KIAA0232: variants seen among roughly 807,000 people sequenced by gnomAD.
KIAA0232 encodes the protein uncharacterized protein KIAA0232.
A neutral mutation model predicts 122.0 loss-of-function variants in KIAA0232; 27 were observed. That is an observed-to-expected ratio of 0.22 (90% CI 0.16 to 0.31). KIAA0232 has a LOEUF of 0.31. Ranked by LOEUF, KIAA0232 falls within the 10% of genes least tolerant of loss-of-function variation. The pLI is 1.00. For synonymous variants in KIAA0232, 613 were observed against 587.6 expected (o/e 1.04, Z -0.63); for missense variants, 1,551 against 1,634.2 (o/e 0.95, Z 0.88).
intron 4 of KIAA0232, among the ~76,000 whole-genome samples, chr4:6,848,749 A>G (rs568661831): frequency 1.0e-3 from 152 of 152,332 alleles, no homozygotes; most frequent in African/African-American, 3.5e-3. Context: ...TACAATGATA[A>G]CATTTATTGA....
Position 6,824,629 on chromosome 4 carries a change from G to A in KIAA0232, c.176G>A (p.Arg59Gln), listed in dbSNP as rs1256249672. 3 of 1,614,024 alleles carry A rather than the reference G, an allele frequency of 1.9e-6. No homozygotes were observed. Among genetic ancestry groups the A allele is most frequent in the Admixed American group, 1.7e-5 (1 of 59,992 alleles). The change falls in exon 3 of 10, where the codon CGG (arginine) becomes CAG (glutamine). Residue 59 changes from arginine (R) to glutamine (Q), a missense_variant. Transcript: ENST00000307659. ...GGCATTGATGCCATGATTTACACTC[G>A]GTATGTCCTCAGTCTTCTGCTGCAT... Reference protein sequence around the residue: ...KCGIDAMIYTRYVLSLLLHDS... With the variant: ...KCGIDAMIYTQYVLSLLLHDS...
chr4:6,805,862 C>A (rs1717591532), intron 2 of KIAA0232, among the ~76,000 whole-genome samples: 1 of 151,972 alleles, frequency 6.6e-6, no homozygotes, highest in Non-Finnish European at 1.5e-5. Context: ...TAGATGTTTC[C>A]ATTTTTCCTA....
chr4:6,849,606 A>T (rs1362464604), intron 4 of KIAA0232, among the ~76,000 whole-genome samples: 2 of 151,922 alleles, frequency 1.3e-5, no homozygotes, highest in Non-Finnish European at 2.9e-5. Context: ...ACAGAGCAAG[A>T]CTCCATCTCA....
At chr4:6,835,054 TGACA>T (rs1337588408) in intron 3 of KIAA0232, among the ~76,000 whole-genome samples, 2 of 152,194 alleles carry the variant, frequency 1.3e-5, no homozygotes, top group Non-Finnish European at 2.9e-5. Flanking sequence ...GGTACTCAGC[TGACA>T]GACAGGCTGA....
intron 2 of KIAA0232, among the ~76,000 whole-genome samples, chr4:6,816,837 C>A (rs1333890988): frequency 6.6e-6 from 1 of 152,096 alleles, no homozygotes; most frequent in African/African-American, 2.4e-5. Flanking sequence ...TTGTATCTTT[C>A]AAGGAATTTT....
chr4:6,828,454 C>T (rs1560178104), intron 3 of KIAA0232, among the ~76,000 whole-genome samples: 2 of 152,166 alleles, frequency 1.3e-5, no homozygotes, highest in South Asian at 4.1e-4. Flanking sequence ...AGGGAGCTCT[C>T]ATGTTTTCTT....
chr4:6,880,724 G>A (rs1722027075), intron 9 of KIAA0232, 63 bp from the exon 10 acceptor site: 1 of 1,104,342 alleles, frequency 9.1e-7, no homozygotes, highest in Non-Finnish European at 1.3e-6. Context: ...TATAGATAGA[G>A]TATCTCACCC....
In KIAA0232 at chr4:6,847,578, G is replaced by T. The variant is rs148360167; in HGVS notation, c.369+5374G>T. On this transcript the variant is annotated intron_variant, in intron 4 of 9. Coordinates refer to ENST00000307659, the MANE Select transcript of KIAA0232 (RefSeq NM_014743.3). Reference sequence around the variant, plus strand: ...TTTGATGGGCTTTATTGGTTTTTAGGTCCCAGCTGAAAACTGCCTTGGCTA... The same window carrying T: ...TTTGATGGGCTTTATTGGTTTTTAGTTCCCAGCTGAAAACTGCCTTGGCTA... Among the ~76,000 whole-genome samples the T allele has an allele frequency of 2.6e-5, 4 of 152,264 alleles. No homozygotes were observed. In the East Asian group the frequency reaches 7.7e-4, roughly 29 times the overall value.
Position 6,863,806 on chromosome 4 carries a change from G to C in KIAA0232, c.3424G>C (p.Asp1142His). 6.2e-7 allele frequency: 1 copy of C among 1,614,100 alleles called. No individual in the cohort carries two copies. The highest frequency in any genetic ancestry group is 8.5e-7 in the Non-Finnish European group (1 of 1,180,028). ...EANIPIPSQV[D>H]IFEDPQADLK... Reference sequence around the variant, plus strand: ...AAATATTCCCATTCCTTCTCAAGTTGATATATTTGAAGATCCGCAGGCAGA... The same window carrying C: ...AAATATTCCCATTCCTTCTCAAGTTCATATATTTGAAGATCCGCAGGCAGA... The change falls in exon 7 of 10, where the codon GAT becomes CAT. Residue 1142 changes from aspartate to histidine, a missense_variant. By Grantham distance (81) the Asp-to-His change is moderately conservative. Coordinates refer to ENST00000307659, the MANE Select transcript of KIAA0232 (RefSeq NM_014743.3).
intron 3 of KIAA0232, among the ~76,000 whole-genome samples, chr4:6,830,403 C>CTTTTTTTTTTTTTTTTTTTTTTTTTTT: frequency 1.3e-5 from 1 of 75,528 alleles, no homozygotes; most frequent in Non-Finnish European, 2.8e-5. Flanking sequence ...TCTCTGTTGT[C>CTTTTTTTTTTTTTTTTTTTTTTTTTTT]TTTTTTTTTT....
chr4:6,804,020 T>G (rs1312120640), intron 1 of KIAA0232, among the ~76,000 whole-genome samples: 3 of 152,234 alleles, frequency 2.0e-5, no homozygotes. Flanking sequence ...ATGTTACATG[T>G]TAACCTGTCT....
intron 9 of KIAA0232, among the ~76,000 whole-genome samples, chr4:6,877,870 C>G (rs1721838459): frequency 6.6e-6 from 1 of 152,164 alleles, no homozygotes; most frequent in South Asian, 2.1e-4. Context: ...CAAGTTGACA[C>G]TCAGTATTAA....
intron 4 of KIAA0232, among the ~76,000 whole-genome samples, chr4:6,850,094 G>A (rs185577514): frequency 2.9e-4 from 44 of 152,336 alleles, no homozygotes; most frequent in African/African-American, 9.9e-4. Flanking sequence ...GAGAATATGA[G>A]AGCAGACACA....
chr4:6,791,315 C>CTTTTTTTTTT (rs10716163), intron 1 of KIAA0232, among the ~76,000 whole-genome samples: 3 of 82,672 alleles, frequency 3.6e-5, no homozygotes, highest in African/African-American at 1.3e-4. Context: ...GTCATAAAGC[C>CTTTTTTTTTT]TTTTTTTTTT....
intron 1 of KIAA0232, among the ~76,000 whole-genome samples, chr4:6,784,617 A>G (rs893465545): frequency 2.6e-5 from 4 of 152,174 alleles, no homozygotes; most frequent in Admixed American, 1.3e-4. Flanking sequence ...TTCACTTAAT[A>G]TATCTTATAA....
At chr4:6,869,762 A>G (rs2108824451) in intron 7 of KIAA0232, among the ~76,000 whole-genome samples, 1 of 152,384 alleles carries the variant, frequency 6.6e-6, no homozygotes, top group Admixed American at 6.5e-5. Flanking sequence ...ACAGACACTC[A>G]TTACGGAATT....
chr4:6,871,552 G>A lies in KIAA0232; in HGVS notation c.3802-22G>A, dbSNP rs772193636. The A allele has an allele frequency of 1.6e-5, 21 of 1,341,100 alleles. No individual in the cohort carries two copies. In the Admixed American group the frequency reaches 2.7e-4, roughly 17 times the overall value. The allele number at this position is 1,341,100 out of a possible 1,614,324, so 83.1% of individuals were successfully genotyped here. A position where few individuals can be genotyped will look rare whatever the true frequency, so the allele number is the denominator to read the frequency against. ...ACCTGAAAGTTTATAAACTTTTTCT[G>A]TATTTGGTTTAATCTAAACAGTTCC... On this transcript the variant is annotated intron_variant, in intron 7 of 9. Coordinates refer to ENST00000307659, the MANE Select transcript of KIAA0232 (RefSeq NM_014743.3).
At chr4:6,844,100 C>T (rs1324298423) in intron 4 of KIAA0232, among the ~76,000 whole-genome samples, 13 of 151,598 alleles carry the variant, frequency 8.6e-5, no homozygotes, top group African/African-American at 2.4e-4. Flanking sequence ...CCACCACGCC[C>T]GGCTAATTTT....
chr4:6,836,433 G>A (rs948498760), intron 3 of KIAA0232, among the ~76,000 whole-genome samples: 2 of 146,222 alleles, frequency 1.4e-5, no homozygotes, highest in African/African-American at 5.1e-5. Context: ...CCCATTTCTT[G>A]TACTTGTAGA....
Sources: allele counts gnomAD v4.1 joint callset (sites outside exome capture counted in the v4.1 genomes callset), GRCh38; gene constraint gnomAD v4.1.1; transcripts MANE v1.5; gene names NCBI Gene and HGNC (gene_info 2026-07-23, HGNC 2026-07-21).